HLA-DPB1: variants seen among roughly 807,000 people sequenced by gnomAD.
The protein encoded by HLA-DPB1 is major histocompatibility complex, class II, DP beta 1.
In HLA-DPB1, 30 loss-of-function variants were observed where a neutral mutation model predicts 29.4. The observed-to-expected ratio is 1.02, with a 90% CI of 0.76 to 1.38. The LOEUF (loss-of-function observed/expected upper bound fraction) is 1.38. HLA-DPB1 is among the 40% of genes most tolerant of loss of function. The pLI is 0.00. For synonymous variants in HLA-DPB1, 114 were observed against 134.0 expected (o/e 0.85, Z 1.03); for missense variants, 261 against 327.5 (o/e 0.80, Z 1.57).
Position 33,084,849 on chromosome 6 carries a change from A to AAAGGAAGGAAGG in HLA-DPB1, c.365-62_365-51dup, listed in dbSNP as rs150519959. 1.9e-3 allele frequency: 1,291 copies of AAAGGAAGGAAGG among 663,342 alleles called. 80 individuals are homozygous for AAAGGAAGGAAGG. Among genetic ancestry groups the AAAGGAAGGAAGG allele is most frequent in the African/African-American group, 0.013 (326 of 24,168 alleles). 41.1% of individuals were successfully genotyped at this position (663,342 alleles called of 1,614,324 possible). On this transcript the variant is annotated intron_variant, in intron 2 of 5. Coordinates refer to ENST00000418931, the MANE Select transcript of HLA-DPB1 (RefSeq NM_002121.6). ...AAAGAGCGAGATTATGTCTCAAAAA[A>AAAGGAAGGAAGG]AAGGAAGGAAGGAAGGAAGGAAGGA... is the stretch of plus-strand genomic sequence containing the variant.
chr6:33,078,395 C>T (rs1254149435), intron 1 of HLA-DPB1, among the ~76,000 whole-genome samples: 1 of 152,150 alleles, frequency 6.6e-6, no homozygotes, highest in African/African-American at 2.4e-5. Flanking sequence ...CAACTCCACA[C>T]ACATCCCCAA....
At chr6:33,086,340 C>A in intron 5 of HLA-DPB1, 98 bp downstream of exon 5, 1 of 984,834 alleles carries the variant, frequency 1.0e-6, no homozygotes, top group Non-Finnish European at 1.6e-6. Context: ...GGAAGGGAAT[C>A]TCAGGCATGA....
intron 1 of HLA-DPB1, among the ~76,000 whole-genome samples, chr6:33,076,405 A>G (rs1374227742): frequency 6.6e-6 from 1 of 152,152 alleles, no homozygotes; most frequent in Non-Finnish European, 1.5e-5. Context: ...TGGGACCAAG[A>G]GGTCCTGGAT....
Position 33,086,199 on chromosome 6 carries a change from C to G in HLA-DPB1, c.758-20C>G, listed in dbSNP as rs753279015. ...GTGGTTTCAATGGCTGATTATATAACCTTTCGTCTTTCATTTCAGTTCAAC... is the reference window on the plus strand; with the variant it reads ...GTGGTTTCAATGGCTGATTATATAAGCTTTCGTCTTTCATTTCAGTTCAAC... On this transcript the variant is annotated intron_variant, in intron 4 of 5. Transcript: ENST00000418931. 6.4e-7 allele frequency: 1 copy of G among 1,560,062 alleles called. No individual in the cohort carries two copies. The highest frequency in any genetic ancestry group is 1.7e-5 in the Admixed American group (1 of 59,956).
chr6:33,080,670 A>G lies in HLA-DPB1; in HGVS notation c.101-2A>G. 3.7e-6 allele frequency: 6 copies of G among 1,612,536 alleles called. No homozygotes were observed. The highest frequency in any genetic ancestry group is 5.1e-6 in the Non-Finnish European group (6 of 1,179,334). ...CCGCTCATGTCCGCCCCCTCCCCGC[A>G]GAGAATTACCTTTTCCAGGGACGGC... On this transcript the variant is annotated splice_acceptor_variant, in intron 1 of 5. Transcript: ENST00000418931. LOFTEE classifies it high-confidence loss of function. This position sits in a 1 kb window ranked among gnomAD's most constrained non-coding sequence, Gnocchi z 4.3.
intron 2 of HLA-DPB1, among the ~76,000 whole-genome samples, chr6:33,083,145 G>A (rs1762947440): frequency 6.6e-6 from 1 of 152,206 alleles, no homozygotes; most frequent in Admixed American, 6.5e-5. Flanking sequence ...AGGTGCCCCT[G>A]AAATAAACTC....
At chr6:33,079,869 T>C (rs73741627) in intron 1 of HLA-DPB1, 9,358 of 313,412 alleles carry the variant, frequency 0.03, 238 homozygotes, top group African/African-American at 0.08. Flanking sequence ...AGAAAGTTCA[T>C]GTCCACGTTT....
At chr6:33,085,638 T>C (rs1236113375) in intron 3 of HLA-DPB1, 141 bp from the exon 4 acceptor site, 7 of 680,904 alleles carry the variant, frequency 1.0e-5, no homozygotes, top group Non-Finnish European at 1.8e-5. Context: ...GGTGGCTCTT[T>C]CTGAATTTCC....
Position 33,080,835 on chromosome 6 carries a change from G to A in HLA-DPB1, c.264G>A (p.Trp88Ter). 3 of 1,613,416 alleles carry A rather than the reference G, an allele frequency of 1.9e-6. No individual in the cohort carries two copies. Among genetic ancestry groups the A allele is most frequent in the East Asian group, 2.2e-5 (1 of 44,826 alleles). Residue 88 changes from tryptophan (W) to a stop codon, truncating the protein, a stop_gained, in exon 2 of 6, where the codon TGG becomes TGA. Coordinates refer to ENST00000418931, the MANE Select transcript of HLA-DPB1 (RefSeq NM_002121.6). LOFTEE classifies it high-confidence loss of function. This position sits in a 1 kb window ranked among gnomAD's most constrained non-coding sequence, Gnocchi z 4.3. ...TGGGGCGGCCTGCTGCGGAGTACTG[G>A]AACAGCCAGAAGGACATCCTGGAGG... ...TELGRPAAEY[W>*]NSQKDILEEK...
chr6:33,081,343 GCAGGTAGAC>G (rs1225211284), intron 2 of HLA-DPB1: 1 of 200,048 alleles, frequency 5.0e-6, no homozygotes, highest in African/African-American at 2.3e-5. Flanking sequence ...GGTCTGATGG[GCAGGTAGAC>G]AGAAGGGTCT....
chr6:33,088,090 G>C lies in HLA-DPB1; in HGVS notation c.*1556G>C, dbSNP rs1193037638. ...TTTATCTGTCTTATTTTCCCTTTTG[G>C]CTTCACAGGAAACTTGTGAGAAACC... On this transcript the variant is annotated 3_prime_UTR_variant, in exon 6 of 6. Transcript: ENST00000418931. Among the ~76,000 whole-genome samples, 1 of 151,974 alleles carries C rather than the reference G, an allele frequency of 6.6e-6. No homozygotes were observed. The highest frequency in any genetic ancestry group is 6.6e-5 in the Admixed American group (1 of 15,246).
Position 33,080,022 on chromosome 6 carries a change from C to G in HLA-DPB1, c.101-650C>G, listed in dbSNP as rs1469598498. Among the ~76,000 whole-genome samples, 1 of 152,170 alleles carries G rather than the reference C, an allele frequency of 6.6e-6. No homozygotes were observed. Among genetic ancestry groups the G allele is most frequent in the Non-Finnish European group, 1.5e-5 (1 of 68,024 alleles). ...CTTTCCACATCTTTTGACACCAAGT[C>G]TTTCTGCAGCCATGTTTGAAAATTA... is the stretch of plus-strand genomic sequence containing the variant. On this transcript the variant is annotated intron_variant, in intron 1 of 5. Transcript: ENST00000418931. This position sits in a 1 kb window ranked among gnomAD's most constrained non-coding sequence, Gnocchi z 4.3.
chr6:33,076,727 G>A (rs564492211), intron 1 of HLA-DPB1, among the ~76,000 whole-genome samples: 3 of 152,250 alleles, frequency 2.0e-5, no homozygotes, highest in African/African-American at 7.2e-5. Flanking sequence ...GTACTAGAGT[G>A]GGTTGCGACT....
intron 2 of HLA-DPB1, 84 bp downstream of exon 2, chr6:33,081,019 G>A (rs1762838955): frequency 4.9e-6 from 7 of 1,419,336 alleles, no homozygotes; most frequent in Admixed American, 2.7e-5. Flanking sequence ...GTTGGCCTAA[G>A]GGACCTTAGT....
In HLA-DPB1 at chr6:33,084,850, AAGG is replaced by A. The variant is rs1481556066; in HGVS notation, c.365-98_365-96del. 0.014 allele frequency: 3,567 copies of A among 249,166 alleles called. 698 individuals are homozygous for A. In the African/African-American group the frequency reaches 0.2, roughly 14 times the overall value. 15.4% of individuals were successfully genotyped at this position (249,166 alleles called of 1,614,324 possible). A position where few individuals can be genotyped will look rare whatever the true frequency, so the allele number is the denominator to read the frequency against. On this transcript the variant is annotated intron_variant, in intron 2 of 5. Transcript: ENST00000418931. ...AAGAGCGAGATTATGTCTCAAAAAA[AAGG>A]AAGGAAGGAAGGAAGGAAGGAAGGA... is the stretch of plus-strand genomic sequence containing the variant.
intron 4 of HLA-DPB1, 65 bp from the exon 5 acceptor site, chr6:33,086,154 T>C (rs1035314909): frequency 2.2e-6 from 3 of 1,366,908 alleles, no homozygotes; most frequent in Non-Finnish European, 3.1e-6. Flanking sequence ...GGGATGGAAA[T>C]GTTTCTCTAA....
At position 33,088,983 on chromosome 6, in the gene HLA-DPB1, G is replaced by A. The variant is rs1163213575; in HGVS notation, c.*2449G>A. The stretch of plus-strand genomic sequence containing the variant: ...TAACGAGAAGGTGGTCCACCCAACA[G>A]ACAACACTGCCTCAGATGGTTATCA... On this transcript the variant is annotated 3_prime_UTR_variant, in exon 6 of 6. Transcript: ENST00000418931. Among the ~76,000 whole-genome samples, 2 of 152,012 alleles carry A rather than the reference G, an allele frequency of 1.3e-5. No homozygotes were observed. The highest frequency in any genetic ancestry group is 2.9e-5 in the Non-Finnish European group (2 of 68,034).
At position 33,088,216 on chromosome 6, in the gene HLA-DPB1, C is replaced by A. The variant is rs1171538233; in HGVS notation, c.*1682C>A. Among the ~76,000 whole-genome samples the A allele has an allele frequency of 6.6e-6, 1 of 152,164 alleles. No homozygotes were observed. The highest frequency in any genetic ancestry group is 1.5e-5 in the Non-Finnish European group (1 of 68,020). On this transcript the variant is annotated 3_prime_UTR_variant, in exon 6 of 6. Transcript: ENST00000418931. ...CTTCAAATCGAGATCATTATGAAATCCTCAGACCCAGAGCACATAAATCCT... is the reference window on the plus strand; with the variant it reads ...CTTCAAATCGAGATCATTATGAAATACTCAGACCCAGAGCACATAAATCCT...
chr6:33,077,889 AT>A (rs11297463), intron 1 of HLA-DPB1, among the ~76,000 whole-genome samples: 14,784 of 152,162 alleles, frequency 0.097, 777 homozygotes, highest in Middle Eastern at 0.18. Context: ...CCTTGGGTTC[AT>A]TGTCCAGGAA....
Sources: gnomAD v4.1 joint callset for allele counts (sites outside exome capture counted in the v4.1 genomes callset) on GRCh38, gnomAD v4.1.1 for gene constraint, Gnocchi (gnomAD v3.1) non-coding constraint, MANE v1.5 for transcripts, NCBI Gene and HGNC (gene_info 2026-07-23, HGNC 2026-07-21) for gene names.